Variants in NCOA6 observed in about 807,000 individuals in gnomAD.
NCOA6 encodes NRC RAP250.
Under a neutral mutation model 171.4 loss-of-function variants are expected in NCOA6, and 49 were observed. The ratio of observed to expected loss-of-function variants is 0.29; its 90% CI spans 0.23 to 0.36. The LOEUF (loss-of-function observed/expected upper bound fraction) is 0.36. NCOA6 is among the 10% of genes least tolerant of loss of function. The pLI is 1.00. For synonymous variants in NCOA6, 910 were observed against 927.5 expected (o/e 0.98, Z 0.34); for missense variants, 2,248 against 2,554.5 (o/e 0.88, Z 2.59).
chr20:34,766,808 T>C (rs556737399), intron 5 of NCOA6, among the ~76,000 whole-genome samples: 11 of 152,320 alleles, frequency 7.2e-5, no homozygotes, highest in African/African-American at 2.4e-4. Flanking sequence ...GATTTCCTGA[T>C]GCTCATCCCA....
intron 1 of NCOA6, among the ~76,000 whole-genome samples, chr20:34,817,441 G>C (rs1224651652): frequency 6.6e-6 from 1 of 151,944 alleles, no homozygotes; most frequent in Non-Finnish European, 1.5e-5. Context: ...GTATGGTCCT[G>C]GCCTTCTGCT....
In NCOA6 at chr20:34,743,166, C is replaced by CTGA. The variant is rs1568753432; in HGVS notation, c.3089_3090insTCA (p.Gln1029_Gln1030insHis). 1 of 1,575,580 alleles carries CTGA rather than the reference C, an allele frequency of 6.3e-7. No homozygotes were observed. The highest frequency in any genetic ancestry group is 1.2e-5 in the South Asian group (1 of 86,446). ...TCATGAGCATCATCATCATTTGTTG[C>CTGA]TGCTGCTGCTGCTGCTGCTGAGACT... On this transcript the variant is annotated inframe_insertion, in exon 11 of 15. Transcript: ENST00000359003.
intron 3 of NCOA6, among the ~76,000 whole-genome samples, chr20:34,777,710 T>A (rs2077375936): frequency 6.6e-6 from 1 of 151,760 alleles, no homozygotes; most frequent in Admixed American, 6.6e-5. Flanking sequence ...CAAAAAAAAT[T>A]AAAAATAGAA....
At position 34,742,285 on chromosome 20, in the gene NCOA6, G is replaced by A. The variant is rs2076169896; in HGVS notation, c.3971C>T (p.Ala1324Val). 6.2e-7 allele frequency: 1 copy of A among 1,614,090 alleles called. No homozygotes were observed. The highest frequency in any genetic ancestry group is 8.5e-7 in the Non-Finnish European group (1 of 1,180,060). ...KQSNSGATKRASPSNSRRSSP... is the reference protein window; with the variant it reads ...KQSNSGATKRVSPSNSRRSSP... The stretch of plus-strand genomic sequence containing the variant: ...AGACCTGCGACTGTTGCTTGGACTT[G>A]CCCGTTTTGTTGCTCCAGAATTAGA... Residue 1324 changes from alanine (A) to valine (V), a missense_variant, in exon 11 of 15, where the codon GCA becomes GTA. Transcript: ENST00000359003.
At chr20:34,735,573 G>A (rs545163880) in intron 12 of NCOA6, among the ~76,000 whole-genome samples, 2 of 151,982 alleles carry the variant, frequency 1.3e-5, no homozygotes, top group Admixed American at 6.6e-5. Context: ...GAACCCAGGA[G>A]GCAGAGCTTG....
intron 1 of NCOA6, among the ~76,000 whole-genome samples, chr20:34,812,275 A>C (rs1035492296): frequency 8.8e-4 from 133 of 151,918 alleles, no homozygotes; most frequent in African/African-American, 3.0e-3. Flanking sequence ...ACAACAACAA[A>C]AAAACTATTT....
At chr20:34,728,288 C>A (rs1241582857) in intron 13 of NCOA6, among the ~76,000 whole-genome samples, 2 of 152,090 alleles carry the variant, frequency 1.3e-5, no homozygotes, top group Non-Finnish European at 2.9e-5. Flanking sequence ...ACACCCCAAC[C>A]CCCTTTTCTT....
chr20:34,754,604 G>T, intron 8 of NCOA6, 118 bp downstream of exon 8: 2 of 1,202,810 alleles, frequency 1.7e-6, no homozygotes, highest in Non-Finnish European at 2.3e-6. Context: ...ATTATTTATG[G>T]GCTTGAAATT....
chr20:34,750,228 A>G lies in NCOA6; in HGVS notation c.1967T>C (p.Met656Thr), dbSNP rs1382939354. 9 of 1,610,792 alleles carry G rather than the reference A, an allele frequency of 5.6e-6. No individual in the cohort carries two copies. The highest frequency in any genetic ancestry group is 2.2e-5 in the East Asian group (1 of 44,840). ...GTTCACCATCATCTGGCCCTGTGGC[A>G]TAAGCTGGGCCCTTGAAAGGATCAT... is the stretch of plus-strand genomic sequence containing the variant. ...NPMILSRAQL[M>T]PQGQMMVNPP... Residue 656 changes from methionine (M) to threonine (T), a missense_variant, in exon 9 of 15, where the codon ATG becomes ACG. Met to Thr is a moderately conservative substitution (Grantham distance 81). Coordinates refer to ENST00000359003, the MANE Select transcript of NCOA6 (RefSeq NM_014071.5).
intron 1 of NCOA6, among the ~76,000 whole-genome samples, chr20:34,823,795 C>CAT (rs2079075827): frequency 6.6e-6 from 1 of 152,134 alleles, no homozygotes; most frequent in Non-Finnish European, 1.5e-5. Context: ...CTTGACCTCC[C>CAT]AGGCTCAAGC....
intron 12 of NCOA6, among the ~76,000 whole-genome samples, chr20:34,733,948 T>A (rs996520886): frequency 6.8e-6 from 1 of 147,532 alleles, no homozygotes; most frequent in South Asian, 2.3e-4. Context: ...TGAAAACCCA[T>A]CCACAAAAAA....
intron 8 of NCOA6, among the ~76,000 whole-genome samples, chr20:34,751,419 A>G (rs962455883): frequency 1.3e-5 from 2 of 149,854 alleles, no homozygotes; most frequent in Non-Finnish European, 3.0e-5. Flanking sequence ...TCCTCTTAGG[A>G]AAACCTCAAC....
intron 2 of NCOA6, among the ~76,000 whole-genome samples, chr20:34,789,537 C>T (rs893706190): frequency 1.3e-5 from 2 of 152,232 alleles, no homozygotes; most frequent in Non-Finnish European, 2.9e-5. Context: ...CTTTGGGAAG[C>T]CGAGGTGGGC....
At chr20:34,748,967 AC>A (rs1180092420) in intron 9 of NCOA6, among the ~76,000 whole-genome samples, 2 of 151,814 alleles carry the variant, frequency 1.3e-5, no homozygotes, top group African/African-American at 2.4e-5. Flanking sequence ...GATTGCCAAA[AC>A]CCCCCGACAC....
chr20:34,765,106 G>A (rs371043435), intron 5 of NCOA6, among the ~76,000 whole-genome samples: 1 of 149,830 alleles, frequency 6.7e-6, no homozygotes, highest in African/African-American at 2.5e-5. Context: ...GGGTGATGGA[G>A]TGAGACTGCT....
intron 1 of NCOA6, among the ~76,000 whole-genome samples, chr20:34,810,550 C>CTT (rs1201000875): frequency 6.3e-5 from 9 of 143,424 alleles, no homozygotes; most frequent in African/African-American, 1.8e-4. Context: ...CATTTTTTTT[C>CTT]TTTTTTTTTT....
intron 11 of NCOA6, 26 bp from the exon 12 acceptor site, chr20:34,736,784 G>T: frequency 6.3e-7 from 1 of 1,578,284 alleles, no homozygotes; most frequent in South Asian, 1.2e-5. Flanking sequence ...AAAAATTACA[G>T]ACCTTTTACT....
At chr20:34,778,949 A>G (rs2077430331) in intron 3 of NCOA6, among the ~76,000 whole-genome samples, 2 of 132,970 alleles carry the variant, frequency 1.5e-5, no homozygotes, top group Non-Finnish European at 3.2e-5. Context: ...ACAGAGCAAG[A>G]CTCCGTTTCA....
At chr20:34,724,148 A>G (rs1481930006) in intron 14 of NCOA6, among the ~76,000 whole-genome samples, 1 of 152,166 alleles carries the variant, frequency 6.6e-6, no homozygotes. Context: ...GAGAGGAGGA[A>G]TGAAGTTATT....
Sources: gnomAD v4.1 joint callset for allele counts (sites outside exome capture counted in the v4.1 genomes callset) on GRCh38, gnomAD v4.1.1 for gene constraint, MANE v1.5 for transcripts, NCBI Gene and HGNC (gene_info 2026-07-23, HGNC 2026-07-21) for gene names.